Variants in TOP1 observed in about 807,000 individuals in gnomAD.
The protein encoded by TOP1 is DNA topoisomerase I.
A neutral mutation model predicts 111.1 loss-of-function variants in TOP1; 10 were observed. The ratio of observed to expected loss-of-function variants is 0.09; its 90% CI spans 0.06 to 0.15. The LOEUF (loss-of-function observed/expected upper bound fraction) is 0.15, where lower values mean the gene tolerates loss of function less well. TOP1 is among the 10% of genes least tolerant of loss of function. TOP1 has a pLI of 1.00. For missense variants in TOP1, 474 were observed against 926.7 expected (o/e 0.51, Z 6.34); for synonymous variants, 271 against 302.9 (o/e 0.89, Z 1.10).
chr20:41,051,692 TC>T (rs1236318134), intron 2 of TOP1, among the ~76,000 whole-genome samples: 1 of 152,082 alleles, frequency 6.6e-6, no homozygotes, highest in African/African-American at 2.4e-5. Flanking sequence ...ACAGTTTACT[TC>T]CTTTTTCATA....
At chr20:41,099,983 C>A in intron 11 of TOP1, 73 bp from the exon 12 acceptor site, 1 of 1,060,636 alleles carries the variant, frequency 9.4e-7, no homozygotes, top group Admixed American at 2.4e-5. Flanking sequence ...CTTAGTCTCC[C>A]ACAAGAGATA....
rs1191186534 is a variant in TOP1 at position 41,101,604 on chromosome 20, C to T, written c.1308+251C>T. On this transcript the variant is annotated intron_variant, in intron 13 of 20. Coordinates refer to ENST00000361337, the MANE Select transcript of TOP1 (RefSeq NM_003286.4). The surrounding 1 kb of genome is among the most constrained non-coding windows in gnomAD (Gnocchi z 4.1). ...TCCCAAATGTGCCCCACACAGTATA[C>T]ATTTGATGCTAGGAATTATGTTGGT... Among the ~76,000 whole-genome samples the T allele has an allele frequency of 2.0e-5, 3 of 152,188 alleles. No individual in the cohort carries two copies. The highest frequency in any genetic ancestry group is 1.9e-4 in the East Asian group (1 of 5,204).
chr20:41,028,923 C>T lies in TOP1; in HGVS notation c.-145C>T, dbSNP rs2033075771. On this transcript the variant is annotated 5_prime_UTR_variant, in exon 1 of 21. Transcript: ENST00000361337. ...GCCGTGGTAGCAGCCTCAGCCGTTT[C>T]TGGAGTCTCGGGCCCACAGTCACCG... 1.5e-6 allele frequency: 1 copy of T among 650,148 alleles called. No individual in the cohort carries two copies. Among genetic ancestry groups the T allele is most frequent in the East Asian group, 3.3e-5 (1 of 30,108 alleles). The allele number at this position is 650,148 out of a possible 1,614,324, so 40.3% of individuals were successfully genotyped here.
At chr20:41,065,220 G>A (rs1409994976) in intron 3 of TOP1, among the ~76,000 whole-genome samples, 1 of 152,072 alleles carries the variant, frequency 6.6e-6, no homozygotes, top group African/African-American at 2.4e-5. Flanking sequence ...TATTCATTTT[G>A]CATCCTTCAG....
Position 41,084,446 on chromosome 20 carries a change from C to T in TOP1, c.508-16C>T. 6.7e-7 allele frequency: 1 copy of T among 1,486,162 alleles called. No individual in the cohort carries two copies. Among genetic ancestry groups the T allele is most frequent in the South Asian group, 1.3e-5 (1 of 79,442 alleles). 92.1% of individuals were successfully genotyped at this position (1,486,162 alleles called of 1,614,324 possible). ...CAGTCTTTATTTAAGTGCTTTCTCA[C>T]CATGTTTCTTTGTAGGATGGTAAAT... On this transcript the variant is annotated splice_polypyrimidine_tract_variant and intron_variant, in intron 7 of 20. Transcript: ENST00000361337.
chr20:41,122,295 T>A lies in TOP1; in HGVS notation c.2195+140T>A. 1.2e-6 allele frequency: 1 copy of A among 853,758 alleles called. No individual in the cohort carries two copies. The highest frequency in any genetic ancestry group is 1.9e-6 in the Non-Finnish European group (1 of 538,682). The allele number at this position is 853,758 out of a possible 1,614,324, so 52.9% of individuals were successfully genotyped here. ...GGGGAAACTTCTGGCTTCAGCTGTG[T>A]ACAAGTTACTCTGGTTGCTGAACCT... On this transcript the variant is annotated intron_variant, in intron 20 of 20. Coordinates refer to ENST00000361337, the MANE Select transcript of TOP1 (RefSeq NM_003286.4). This position sits in a 1 kb window ranked among gnomAD's most constrained non-coding sequence, Gnocchi z 5.4.
At chr20:41,081,309 T>C in intron 7 of TOP1, 69 bp downstream of exon 7, 1 of 1,513,500 alleles carries the variant, frequency 6.6e-7, no homozygotes, top group Non-Finnish European at 8.8e-7. Context: ...AAGCAACTTC[T>C]TAAGACAAAT....
Position 41,098,494 on chromosome 20 carries a change from G to A in TOP1, c.975+157G>A, listed in dbSNP as rs2034012828. 3.7e-6 allele frequency: 3 copies of A among 816,078 alleles called. No individual in the cohort carries two copies. The highest frequency in any genetic ancestry group is 1.9e-5 in the South Asian group (1 of 52,110). The allele number at this position is 816,078 out of a possible 1,614,324, so 50.6% of individuals were successfully genotyped here. On this transcript the variant is annotated intron_variant, in intron 11 of 20. Coordinates refer to ENST00000361337, the MANE Select transcript of TOP1 (RefSeq NM_003286.4). This position sits in a 1 kb window ranked among gnomAD's most constrained non-coding sequence, Gnocchi z 5.7. ...TCTCAAAGTCTAAATTTTCTTAAAG[G>A]TTTTAGTTAGACTGAAAATTGTGAA...
At chr20:41,076,851 C>G (rs2033733192) in intron 4 of TOP1, among the ~76,000 whole-genome samples, 1 of 152,198 alleles carries the variant, frequency 6.6e-6, no homozygotes, top group African/African-American at 2.4e-5. Context: ...TCACCCCTGA[C>G]TCACTGTCTC....
chr20:41,067,292 T>A lies in TOP1; in HGVS notation c.155+5802T>A, dbSNP rs2033620278. Among the ~76,000 whole-genome samples the A allele has an allele frequency of 6.6e-6, 1 of 151,912 alleles. No individual in the cohort carries two copies. The highest frequency in any genetic ancestry group is 1.5e-5 in the Non-Finnish European group (1 of 67,980). Reference sequence around the variant, plus strand: ...CCTGCCACCACGCCGAGCTAATTTTTGTATTTTTGGTAGAGACGAGGTTTC... The same window carrying A: ...CCTGCCACCACGCCGAGCTAATTTTAGTATTTTTGGTAGAGACGAGGTTTC... On this transcript the variant is annotated intron_variant, in intron 3 of 20. Transcript: ENST00000361337. The surrounding 1 kb of genome is among the most constrained non-coding windows in gnomAD (Gnocchi z 4.0).
rs185554786 is a variant in TOP1 at position 41,117,587 on chromosome 20, G to A, written c.1823-582G>A. Reference sequence around the variant, plus strand: ...ATTTTTAGTAGAGACAGGGTTCACCGTGTTAGCCAGGATGGTCTCGATCTC... The same window carrying A: ...ATTTTTAGTAGAGACAGGGTTCACCATGTTAGCCAGGATGGTCTCGATCTC... On this transcript the variant is annotated intron_variant, in intron 17 of 20. Transcript: ENST00000361337. Among the ~76,000 whole-genome samples the A allele has an allele frequency of 2.2e-3, 335 of 151,646 alleles. 1 individual carries two copies. The highest frequency in any genetic ancestry group is 6.7e-3 in the African/African-American group (276 of 41,356).
chr20:41,052,947 A>G (rs530188935), intron 2 of TOP1, among the ~76,000 whole-genome samples: 1 of 152,256 alleles, frequency 6.6e-6, no homozygotes, highest in African/African-American at 2.4e-5. Flanking sequence ...CTGAGATTGC[A>G]CCACTGCACT....
chr20:41,101,956 G>A lies in TOP1; in HGVS notation c.1308+603G>A, dbSNP rs1172290531. Among the ~76,000 whole-genome samples the A allele has an allele frequency of 3.3e-5, 5 of 152,174 alleles. No individual in the cohort carries two copies. Among genetic ancestry groups the A allele is most frequent in the African/African-American group, 1.2e-4 (5 of 41,430 alleles). ...TTATTGCAAGGAGATAACTGCCTTG[G>A]GGGAAATCAGTTTTTGTTTGCCAGA... On this transcript the variant is annotated intron_variant, in intron 13 of 20. Coordinates refer to ENST00000361337, the MANE Select transcript of TOP1 (RefSeq NM_003286.4). This position sits in a 1 kb window ranked among gnomAD's most constrained non-coding sequence, Gnocchi z 4.1.
rs1469026874 is a variant in TOP1, at chr20:41,110,604, G to A, written c.1309-2178G>A. ...CTGAATGGATAGCAGCTATATTAGA[G>A]AGACAATATAGTGGGCCTACTAGTT... On this transcript the variant is annotated intron_variant, in intron 13 of 20. Coordinates refer to ENST00000361337, the MANE Select transcript of TOP1 (RefSeq NM_003286.4). This position sits in a 1 kb window ranked among gnomAD's most constrained non-coding sequence, Gnocchi z 4.2. 6.6e-6 allele frequency among the ~76,000 whole-genome samples: 1 copy of A among 152,198 alleles called. No individual in the cohort carries two copies. The highest frequency in any genetic ancestry group is 2.4e-5 in the African/African-American group (1 of 41,456).
In TOP1 at chr20:41,121,615, G is replaced by A; in HGVS notation, c.1951-81G>A. On this transcript the variant is annotated intron_variant, in intron 18 of 20. Transcript: ENST00000361337. This position sits in a 1 kb window ranked among gnomAD's most constrained non-coding sequence, Gnocchi z 4.2. ...CCACTGACAGAGACAGCCTGGTCCA[G>A]ATAACATCTTGGTTTCACCTTCTCA... 1 of 1,089,422 alleles carries A rather than the reference G, an allele frequency of 9.2e-7. No homozygotes were observed. Among genetic ancestry groups the A allele is most frequent in the Non-Finnish European group, 1.4e-6 (1 of 705,122 alleles). The allele number at this position is 1,089,422 out of a possible 1,614,324, so 67.5% of individuals were successfully genotyped here.
rs1286974414 is a variant in TOP1 at position 41,083,351 on chromosome 20, A to G, written c.508-1111A>G. ...ATATTCTCCGTGCCTGTTTTAAAAT[A>G]TGGATGGTACTGTAAGCTTTCCTCT... On this transcript the variant is annotated intron_variant, in intron 7 of 20. Coordinates refer to ENST00000361337, the MANE Select transcript of TOP1 (RefSeq NM_003286.4). The surrounding 1 kb of genome is among the most constrained non-coding windows in gnomAD (Gnocchi z 7.2). Among the ~76,000 whole-genome samples the G allele has an allele frequency of 6.6e-6, 1 of 152,206 alleles. No individual in the cohort carries two copies. The highest frequency in any genetic ancestry group is 2.1e-4 in the South Asian group (1 of 4,834).
At chr20:41,117,209 C>A (rs1353986182) in intron 17 of TOP1, among the ~76,000 whole-genome samples, 1 of 151,772 alleles carries the variant, frequency 6.6e-6, no homozygotes, top group Non-Finnish European at 1.5e-5. Context: ...AAAAATTAGG[C>A]AGGTGTGGCG....
In TOP1 at chr20:41,029,341, G is replaced by A; in HGVS notation, c.34-90G>A. 1 of 1,215,536 alleles carries A rather than the reference G, an allele frequency of 8.2e-7. No homozygotes were observed. The highest frequency in any genetic ancestry group is 1.7e-5 in the South Asian group (1 of 57,832). 75.3% of individuals were successfully genotyped at this position (1,215,536 alleles called of 1,614,324 possible). On this transcript the variant is annotated intron_variant, in intron 1 of 20. Transcript: ENST00000361337. The surrounding 1 kb of genome is among the most constrained non-coding windows in gnomAD (Gnocchi z 6.1). ...CCGGGTCCCCGTCCTCCCCGGGGGC[G>A]CAGGGTGAGCCAGACCCCGGCCGCG...
rs961644429 is a variant in TOP1, at chr20:41,094,162, G to A, written c.730+1575G>A. Among the ~76,000 whole-genome samples, 2 of 151,992 alleles carry A rather than the reference G, an allele frequency of 1.3e-5. No homozygotes were observed. Among genetic ancestry groups the A allele is most frequent in the Non-Finnish European group, 2.9e-5 (2 of 68,000 alleles). ...ACTACTGACTTAGACCCTGATCTTG[G>A]GGAGTTTGCAGCCTAACAGGACTCC... On this transcript the variant is annotated intron_variant, in intron 9 of 20. Transcript: ENST00000361337. This position sits in a 1 kb window ranked among gnomAD's most constrained non-coding sequence, Gnocchi z 4.4.
Sources: gnomAD v4.1 joint callset for allele counts (sites outside exome capture counted in the v4.1 genomes callset) on GRCh38, gnomAD v4.1.1 for gene constraint, Gnocchi (gnomAD v3.1) non-coding constraint, MANE v1.5 for transcripts, NCBI Gene and HGNC (gene_info 2026-07-23, HGNC 2026-07-21) for gene names.